Variants in DGKB observed in about 807,000 individuals in gnomAD.
DGKB encodes the protein diacylglycerol kinase beta.
Under a neutral mutation model 114.3 loss-of-function variants are expected in DGKB, and 67 were observed. The observed-to-expected ratio is 0.59, with a 90% CI of 0.48 to 0.72. The LOEUF is 0.72. DGKB is among the 30% of genes least tolerant of loss of function. The pLI is 0.00. For missense variants in DGKB, 907 were observed against 975.2 expected, an observed-to-expected ratio of 0.93 and a Z score of 0.93; for synonymous variants, 398 against 323.1, an observed-to-expected ratio of 1.23 and a Z score of -2.49.
rs1413508208 is a variant in DGKB at position 14,580,933 on chromosome 7, T to G, written c.1538A>C (p.Lys513Thr). The change falls in exon 19 of 26, where the codon AAG (lysine) becomes ACG (threonine). Residue 513 changes from lysine to threonine, a missense_variant. This residue lies in a region of DGKB where 814 missense variants were observed against 856.6 expected (regional missense o/e 0.95). Coordinates refer to ENST00000402815, the MANE Select transcript of DGKB (RefSeq NM_001350709.2). ...LDCIEKANVGKHPPVAILPLG... is the reference protein window; with the variant it reads ...LDCIEKANVGTHPPVAILPLG... ...AGGCAGAATCGCAACTGGAGGATGC[T>G]TGCCTACATTGGCCTTTTCTGCAGA... The G allele has an allele frequency of 6.2e-7, 1 of 1,603,046 alleles. No homozygotes were observed. The highest frequency in any genetic ancestry group is 2.2e-5 in the East Asian group (1 of 44,782).
intron 17 of DGKB, among the ~76,000 whole-genome samples, chr7:14,593,179 T>C (rs1801979495): frequency 6.6e-6 from 1 of 151,952 alleles, no homozygotes; most frequent in Non-Finnish European, 1.5e-5. Flanking sequence ...CTCAAACAAA[T>C]CTTTTATGCT....
intron 9 of DGKB, among the ~76,000 whole-genome samples, chr7:14,687,402 G>A (rs1466772970): frequency 6.6e-6 from 1 of 152,058 alleles, no homozygotes; most frequent in Admixed American, 6.6e-5. Flanking sequence ...AAACACAGGT[G>A]TTTTAATTTT....
intron 2 of DGKB, among the ~76,000 whole-genome samples, chr7:14,791,350 C>T (rs1840639031): frequency 6.6e-6 from 1 of 152,136 alleles, no homozygotes; most frequent in African/African-American, 2.4e-5. Flanking sequence ...TCAAAATAAT[C>T]ATGTCATCTG....
At chr7:14,834,484 G>GT (rs1307695222) in intron 2 of DGKB, among the ~76,000 whole-genome samples, 3 of 152,068 alleles carry the variant, frequency 2.0e-5, no homozygotes, top group East Asian at 3.9e-4. Flanking sequence ...AAATATTAGC[G>GT]TATCACTTGC....
At chr7:14,871,076 G>C (rs57669217) in intron 1 of DGKB, among the ~76,000 whole-genome samples, 13 of 254 alleles carry the variant, frequency 0.051, 6 homozygotes, top group African/African-American at 0.051. Context: ...GGGCGACAGA[G>C]CGAGACTCCG....
chr7:14,645,200 G>A (rs959575217), intron 13 of DGKB, among the ~76,000 whole-genome samples: 3 of 152,004 alleles, frequency 2.0e-5, no homozygotes, highest in Non-Finnish European at 4.4e-5. Context: ...ACCTGTTTAG[G>A]GGTCCTCTCT....
chr7:14,816,774 A>G (rs1222273722), intron 2 of DGKB, among the ~76,000 whole-genome samples: 1 of 152,218 alleles, frequency 6.6e-6, no homozygotes, highest in Non-Finnish European at 1.5e-5. Flanking sequence ...TTCTGTCAAC[A>G]CTTTGTAATA....
chr7:14,356,942 C>A (rs951647667), intron 21 of DGKB, among the ~76,000 whole-genome samples: 4 of 152,176 alleles, frequency 2.6e-5, no homozygotes, highest in African/African-American at 9.7e-5. Flanking sequence ...GTTCTAATTT[C>A]ATTGCACTGT....
At chr7:14,152,249 A>C (rs1782320893) in intron 25 of DGKB, among the ~76,000 whole-genome samples, 1 of 152,096 alleles carries the variant, frequency 6.6e-6, no homozygotes, top group Admixed American at 6.6e-5. Context: ...CCTTCTATTA[A>C]GCGTCAGGTA....
chr7:14,744,563 C>G (rs1428570105), intron 4 of DGKB, among the ~76,000 whole-genome samples: 1 of 152,144 alleles, frequency 6.6e-6, no homozygotes, highest in Non-Finnish European at 1.5e-5. Flanking sequence ...GGTGCTAACC[C>G]ATGGCTGGGC....
rs35076747 is a variant in DGKB at position 14,483,009 on chromosome 7, A to ATT, written c.1771-4786_1771-4785dup. 2.8e-3 allele frequency among the ~76,000 whole-genome samples: 412 copies of ATT among 144,598 alleles called. 1 individual carries two copies. The highest frequency in any genetic ancestry group is 8.6e-3 in the African/African-American group (340 of 39,690). 94.9% of individuals were successfully genotyped at this position (144,598 alleles called of 152,430 possible). On this transcript the variant is annotated intron_variant, in intron 20 of 25. Transcript: ENST00000402815. ...ATCATCTGTGAAATGTTGGCCTGGC[A>ATT]TTTTTTTTTTTGGAGAAGTTAACGT... is the stretch of plus-strand genomic sequence containing the variant.
intron 1 of DGKB, among the ~76,000 whole-genome samples, chr7:14,959,568 T>C (rs1786721119): frequency 6.6e-6 from 1 of 152,014 alleles, no homozygotes. Context: ...ACCATGTTTG[T>C]CACCAAATTA....
chr7:14,730,070 C>T (rs1447679934), intron 5 of DGKB, among the ~76,000 whole-genome samples: 2 of 152,142 alleles, frequency 1.3e-5, no homozygotes, highest in Admixed American at 6.5e-5. Flanking sequence ...ACAGATGCAA[C>T]ATTTTGGACA....
chr7:14,628,911 A>T (rs572661083), intron 14 of DGKB, among the ~76,000 whole-genome samples: 1 of 152,136 alleles, frequency 6.6e-6, no homozygotes, highest in South Asian at 2.1e-4. Flanking sequence ...TAAAAACTTC[A>T]TATCAAAATA....
At chr7:14,681,805 T>C (rs1195164857) in intron 12 of DGKB, among the ~76,000 whole-genome samples, 1 of 152,100 alleles carries the variant, frequency 6.6e-6, no homozygotes, top group African/African-American at 2.4e-5. Context: ...TGACAGTCAT[T>C]CAAACCAGGT....
chr7:14,298,745 G>C (rs1007322448), intron 23 of DGKB, among the ~76,000 whole-genome samples: 4 of 152,136 alleles, frequency 2.6e-5, no homozygotes, highest in Non-Finnish European at 4.4e-5. Context: ...TACCATCAGA[G>C]TAAACAGGCA....
At chr7:14,967,652 T>TAAA (rs35965873) in intron 1 of DGKB, among the ~76,000 whole-genome samples, 16 of 100,982 alleles carry the variant, frequency 1.6e-4, no homozygotes, top group Admixed American at 2.3e-4. Flanking sequence ...TGTGATTTAT[T>TAAA]AAAAAAAAAA....
At chr7:14,670,882 T>G (rs1818854083) in intron 13 of DGKB, among the ~76,000 whole-genome samples, 1 of 152,200 alleles carries the variant, frequency 6.6e-6, no homozygotes, top group South Asian at 2.1e-4. Context: ...TTTTCTTTCC[T>G]ACCTATAATA....
intron 20 of DGKB, among the ~76,000 whole-genome samples, chr7:14,525,982 A>G (rs1394058864): frequency 1.3e-5 from 2 of 152,154 alleles, no homozygotes; most frequent in African/African-American, 4.8e-5. Flanking sequence ...ATATGTGCAC[A>G]TTCTCAAAAA....
Sources: allele counts gnomAD v4.1 joint callset (sites outside exome capture counted in the v4.1 genomes callset), GRCh38; gene constraint gnomAD v4.1.1; regional missense constraint gnomAD v4.1.1; transcripts MANE v1.5; gene names NCBI Gene and HGNC (gene_info 2026-07-23, HGNC 2026-07-21).